Variants in ZFHX3 observed in about 807,000 individuals in gnomAD.
ZFHX3 encodes zinc finger homeobox 3, also known as zinc finger homeobox protein 3.
Under a neutral mutation model 279.1 loss-of-function variants are expected in ZFHX3, and 42 were observed. That is an observed-to-expected ratio of 0.15 (90% CI 0.12 to 0.19). The LOEUF is 0.19. ZFHX3 is among the 10% of genes least tolerant of loss of function. The probability of loss-of-function intolerance (pLI) is 1.00; values close to 1 mark genes in which losing one functional copy is unlikely to be tolerated. For missense variants in ZFHX3, 4,981 were observed against 4,754.0 expected (o/e 1.05, Z -1.40); for synonymous variants, 2,293 against 1,957.8 (o/e 1.17, Z -4.52).
chr16:73,273,571 C>T (rs965557090), intron 4 of ZFHX3, among the ~76,000 whole-genome samples: 1 of 152,182 alleles, frequency 6.6e-6, no homozygotes, highest in Non-Finnish European at 1.5e-5. Flanking sequence ...TACTGAACCA[C>T]ACTCTTCTCC....
intron 2 of ZFHX3, among the ~76,000 whole-genome samples, chr16:73,663,435 C>T (rs2052805330): frequency 6.6e-6 from 1 of 152,214 alleles, no homozygotes; most frequent in African/African-American, 2.4e-5. Context: ...CAATGAATGG[C>T]ACAGTTCATG....
intron 4 of ZFHX3, among the ~76,000 whole-genome samples, chr16:73,257,874 C>T (rs886128198): frequency 1.3e-5 from 2 of 152,180 alleles, no homozygotes; most frequent in South Asian, 2.1e-4. Context: ...GGGAGACCTT[C>T]GGCTATAGGA....
At chr16:73,281,396 TATG>T (rs896470991) in intron 4 of ZFHX3, among the ~76,000 whole-genome samples, 33 of 152,188 alleles carry the variant, frequency 2.2e-4, no homozygotes, top group African/African-American at 7.5e-4. Flanking sequence ...ACAAATATTG[TATG>T]ATATTACTTA....
At chr16:72,950,443 C>T (rs78266764) in intron 3 of ZFHX3, 26 bp downstream of exon 3, 37,151 of 1,602,778 alleles carry the variant, frequency 0.023, 547 homozygotes, top group Middle Eastern at 0.033. Context: ...GAAAGAGCGC[C>T]TGAGCCATAA....
chr16:72,863,773 G>A (rs2037945207), intron 4 of ZFHX3, among the ~76,000 whole-genome samples: 2 of 151,826 alleles, frequency 1.3e-5, no homozygotes, highest in Admixed American at 1.3e-4. Context: ...GGGTTCATGG[G>A]GTCTGCTGGT....
At chr16:73,644,924 G>A (rs548288239) in intron 2 of ZFHX3, among the ~76,000 whole-genome samples, 4 of 152,304 alleles carry the variant, frequency 2.6e-5, no homozygotes, top group African/African-American at 9.6e-5. Context: ...CCACAGCAGA[G>A]GCTGACACGA....
chr16:72,896,777 T>C (rs1227798772), intron 3 of ZFHX3, among the ~76,000 whole-genome samples: 1 of 152,226 alleles, frequency 6.6e-6, no homozygotes, highest in African/African-American at 2.4e-5. Context: ...ACTTCTAACA[T>C]CTGGTTCCTC....
intron 8 of ZFHX3, among the ~76,000 whole-genome samples, chr16:73,075,540 C>G (rs116886176): frequency 6.6e-6 from 1 of 151,952 alleles, no homozygotes; most frequent in South Asian, 2.1e-4. Context: ...GCCTAAATGT[C>G]AGAGACATGA....
chr16:72,863,907 G>A (rs571003979), intron 4 of ZFHX3, among the ~76,000 whole-genome samples: 70 of 152,214 alleles, frequency 4.6e-4, no homozygotes, highest in South Asian at 3.3e-3. Context: ...ATGAGGTCAC[G>A]AGATCGAGAC....
chr16:73,210,015 G>A (rs1020515345), intron 5 of ZFHX3, among the ~76,000 whole-genome samples: 14 of 152,048 alleles, frequency 9.2e-5, no homozygotes, highest in Admixed American at 8.5e-4. Flanking sequence ...ATAACTTTGG[G>A]GGTTCACTAA....
intron 3 of ZFHX3, among the ~76,000 whole-genome samples, chr16:72,890,451 C>T (rs537609104): frequency 4.6e-5 from 7 of 151,758 alleles, no homozygotes; most frequent in African/African-American, 7.3e-5. Flanking sequence ...AGTAGCAGCA[C>T]GGTAATGGAC....
intron 4 of ZFHX3, among the ~76,000 whole-genome samples, chr16:73,302,013 C>T (rs367683446): frequency 4.2e-4 from 64 of 152,036 alleles, no homozygotes; most frequent in African/African-American, 1.4e-3. Flanking sequence ...CAGCCACACA[C>T]GGGGACACCC....
Position 72,795,487 on chromosome 16 carries a change from T to C in ZFHX3, c.7195A>G (p.Asn2399Asp), listed in dbSNP as rs760092699. The C allele has an allele frequency of 6.2e-7, 1 of 1,614,172 alleles. No homozygotes were observed. The highest frequency in any genetic ancestry group is 1.3e-5 in the African/African-American group (1 of 75,046). ...QAYSAPAPSA[N>D]NTASSAFLQL... ...AAGAAAGCGGAGGAAGCTGTATTAT[T>C]GGCTGATGGTGCTGGGGCGCTGTAA... Residue 2399 changes from asparagine (N) to aspartate (D), a missense_variant, in exon 9 of 10, where the codon AAT (asparagine) becomes GAT (aspartate). Asn to Asp is a conservative substitution (Grantham distance 23). Coordinates refer to ENST00000268489, the MANE Select transcript of ZFHX3 (RefSeq NM_006885.4).
intron 2 of ZFHX3, among the ~76,000 whole-genome samples, chr16:73,546,789 G>A (rs2143762706): frequency 6.6e-6 from 1 of 150,866 alleles, no homozygotes; most frequent in South Asian, 2.1e-4. Context: ...AGACATTTGG[G>A]AAATGACCAC....
In ZFHX3 at chr16:73,520,294, C is replaced by T. The variant is rs189372666; in HGVS notation, c.-1546-64036G>A. Among the ~76,000 whole-genome samples the T allele has an allele frequency of 3.1e-3, 471 of 152,206 alleles. 2 individuals are homozygous for T. The highest frequency in any genetic ancestry group is 0.011 in the African/African-American group (447 of 41,528). ...TTTTCTGAACTTTCCATAAATTGCA[C>T]CAAATTCTATAAATTAAAATTGGAA... On this transcript the variant is annotated intron_variant, in intron 2 of 17. Coordinates refer to the ZFHX3 transcript ENST00000641206.
intron 1 of ZFHX3, among the ~76,000 whole-genome samples, chr16:73,756,392 G>A (rs930908765): frequency 1.3e-5 from 2 of 152,174 alleles, no homozygotes; most frequent in African/African-American, 2.4e-5. Context: ...GAATGGATGA[G>A]AAAAATAATG....
intron 8 of ZFHX3, among the ~76,000 whole-genome samples, chr16:73,072,028 G>C (rs905958893): frequency 6.6e-6 from 1 of 152,212 alleles, no homozygotes; most frequent in Non-Finnish European, 1.5e-5. Context: ...AGGGTCACAT[G>C]AGAGTGAGAC....
At chr16:73,541,437 G>A (rs934546458) in intron 2 of ZFHX3, among the ~76,000 whole-genome samples, 1 of 151,960 alleles carries the variant, frequency 6.6e-6, no homozygotes, top group African/African-American at 2.4e-5. Context: ...AGTGAGCTGT[G>A]ATCACAGCAC....
At chr16:73,020,731 T>C (rs1387423588) in intron 1 of ZFHX3, among the ~76,000 whole-genome samples, 2 of 152,210 alleles carry the variant, frequency 1.3e-5, no homozygotes. Flanking sequence ...AAATATTTAC[T>C]GGTTTAAGGG....
Sources: gnomAD v4.1 joint callset for allele counts (sites outside exome capture counted in the v4.1 genomes callset) on GRCh38, gnomAD v4.1.1 for gene constraint, MANE v1.5 for transcripts, NCBI Gene and HGNC (gene_info 2026-07-23, HGNC 2026-07-21) for gene names.